The following CSNK1G3 variants were observed in gnomAD, a reference collection of about 807,000 sequenced individuals.
The protein encoded by CSNK1G3 is casein kinase 1 gamma 3.
Under a neutral mutation model 64.3 loss-of-function variants are expected in CSNK1G3, and 23 were observed. The observed-to-expected ratio is 0.36, with a 90% CI of 0.26 to 0.51. CSNK1G3 has a LOEUF of 0.51. CSNK1G3 is among the 20% of genes least tolerant of loss of function. CSNK1G3 has a pLI of 0.96. For missense variants in CSNK1G3, 357 were observed against 510.5 expected, an observed-to-expected ratio of 0.70 and a Z score of 2.90; for synonymous variants, 158 against 162.2, an observed-to-expected ratio of 0.97 and a Z score of 0.20.
intron 1 of CSNK1G3, among the ~76,000 whole-genome samples, chr5:123,516,443 T>A (rs996978457): frequency 1.1e-4 from 16 of 152,208 alleles, no homozygotes; most frequent in South Asian, 4.1e-4. Flanking sequence ...TTCTTTTTTT[T>A]AAGCTCTCTC....
At chr5:123,547,243 C>A (rs1022894128) in intron 2 of CSNK1G3, among the ~76,000 whole-genome samples, 1 of 152,010 alleles carries the variant, frequency 6.6e-6, no homozygotes, top group African/African-American at 2.4e-5. Context: ...AGGATTATTA[C>A]CACTTCCTAG....
intron 6 of CSNK1G3, among the ~76,000 whole-genome samples, chr5:123,587,271 C>T (rs997208356): frequency 5.9e-5 from 9 of 152,228 alleles, no homozygotes; most frequent in Admixed American, 2.6e-4. Context: ...ACATCTTGCA[C>T]ATAAACAGAC....
At chr5:123,595,194 T>G in intron 10 of CSNK1G3, 60 bp downstream of exon 11, 2 of 1,450,030 alleles carry the variant, frequency 1.4e-6, no homozygotes, top group Non-Finnish European at 1.9e-6. Context: ...AACCCTTTTT[T>G]TTGGAACTCA....
At chr5:123,564,530 G>A (rs1236398149) in intron 4 of CSNK1G3, among the ~76,000 whole-genome samples, 2 of 151,960 alleles carry the variant, frequency 1.3e-5, no homozygotes, top group Middle Eastern at 3.2e-3. Context: ...TGTAGCTTAG[G>A]GACTAGGGGG....
chr5:123,595,088 A>G, intron 10 of CSNK1G3: 1 of 1,613,704 alleles, frequency 6.2e-7, no homozygotes, highest in Non-Finnish European at 8.5e-7. Flanking sequence ...AATCCCCACC[A>G]TTTGAGAGCT....
At chr5:123,590,856 A>T (rs1381199934) in intron 9 of CSNK1G3, among the ~76,000 whole-genome samples, 2 of 152,058 alleles carry the variant, frequency 1.3e-5, no homozygotes, top group African/African-American at 4.8e-5. Flanking sequence ...TTAATTTAAT[A>T]CTTCAATCCC....
At chr5:123,590,685 G>GTAGTCATA in intron 9 of CSNK1G3, 127 bp downstream of exon 9, 1 of 577,700 alleles carries the variant, frequency 1.7e-6, no homozygotes, top group Non-Finnish European at 2.7e-6. Context: ...TGTTTTTTAA[G>GTAGTCATA]GGACATTTCT....
chr5:123,588,251 T>C, intron 7 of CSNK1G3, 98 bp downstream of exon 7: 1 of 1,134,978 alleles, frequency 8.8e-7, no homozygotes, highest in Non-Finnish European at 1.3e-6. Flanking sequence ...AAAATTTTAT[T>C]TTGTAAGTAG....
At chr5:123,519,266 C>G (rs1220471059) in intron 1 of CSNK1G3, among the ~76,000 whole-genome samples, 2 of 152,148 alleles carry the variant, frequency 1.3e-5, no homozygotes, top group African/African-American at 4.8e-5. Context: ...GTTGGCCAGG[C>G]TGGTCTTGAA....
chr5:123,593,778 T>C (rs553930708), intron 10 of CSNK1G3, among the ~76,000 whole-genome samples: 1 of 152,204 alleles, frequency 6.6e-6, no homozygotes, highest in Non-Finnish European at 1.5e-5. Flanking sequence ...AATTTTGCAT[T>C]GTACAATTTA....
chr5:123,520,258 T>C (rs138149042), intron 1 of CSNK1G3, among the ~76,000 whole-genome samples: 1 of 152,308 alleles, frequency 6.6e-6, no homozygotes, highest in Non-Finnish European at 1.5e-5. Flanking sequence ...TATATGTGCA[T>C]ATATACTATA....
At chr5:123,613,623 C>T (rs552361105) in intron 12 of CSNK1G3, among the ~76,000 whole-genome samples, 3 of 152,084 alleles carry the variant, frequency 2.0e-5, no homozygotes, top group African/African-American at 7.2e-5. Context: ...CCTCCTGCCT[C>T]GGCCTCTCAA....
At chr5:123,551,709 A>G (rs999813955) in intron 2 of CSNK1G3, among the ~76,000 whole-genome samples, 2 of 152,172 alleles carry the variant, frequency 1.3e-5, no homozygotes, top group Non-Finnish European at 2.9e-5. Context: ...ATTATGCTGG[A>G]AAATCACATG....
intron 10 of CSNK1G3, among the ~76,000 whole-genome samples, chr5:123,599,532 A>G (rs1561609039): frequency 1.3e-5 from 2 of 152,252 alleles, no homozygotes; most frequent in African/African-American, 4.8e-5. Flanking sequence ...TGAGATGATA[A>G]TAAAACGTGA....
intron 3 of CSNK1G3, among the ~76,000 whole-genome samples, chr5:123,556,254 TG>T (rs1784604846): frequency 1.3e-5 from 2 of 152,120 alleles, no homozygotes; most frequent in Admixed American, 6.5e-5. Flanking sequence ...TATGATGTGT[TG>T]GTGTAAAATT....
At position 123,514,115 on chromosome 5, in the gene CSNK1G3, A is replaced by G. The variant is rs746454167; in HGVS notation, c.-248+1545A>G. On this transcript the variant is annotated intron_variant, in intron 1 of 12. Transcript: ENST00000345990. The stretch of plus-strand genomic sequence containing the variant: ...CAGAATGTACAGACACTTCTGCTTT[A>G]TGTGAACTGGCATTTCTGAATATGC... 3.3e-5 allele frequency among the ~76,000 whole-genome samples: 5 copies of G among 152,312 alleles called. No individual in the cohort carries two copies. The South Asian group carries it at 8.3e-4, about 25-fold the overall frequency.
intron 6 of CSNK1G3, among the ~76,000 whole-genome samples, chr5:123,577,871 A>C (rs150880203): frequency 6.6e-5 from 10 of 152,054 alleles, no homozygotes; most frequent in African/African-American, 2.2e-4. Flanking sequence ...CATTTTACCC[A>C]TCTTAGTCAT....
intron 2 of CSNK1G3, 102 bp downstream of exon 2, chr5:123,545,943 A>G: frequency 1.0e-6 from 1 of 993,148 alleles, no homozygotes; most frequent in Middle Eastern, 2.6e-4. Flanking sequence ...TAGTTGTTTA[A>G]TGGTTGTGGT....
chr5:123,584,139 T>A (rs1790871599), intron 6 of CSNK1G3, among the ~76,000 whole-genome samples: 1 of 152,226 alleles, frequency 6.6e-6, no homozygotes, highest in Admixed American at 6.5e-5. Flanking sequence ...ATTTCTTCAT[T>A]TCCAATCTGA....
Sources: allele counts gnomAD v4.1 joint callset (sites outside exome capture counted in the v4.1 genomes callset), GRCh38; gene constraint gnomAD v4.1.1; transcripts MANE v1.5; gene names NCBI Gene and HGNC (gene_info 2026-07-23, HGNC 2026-07-21).